The following TAF12 variants were observed in gnomAD, a reference collection of about 807,000 sequenced individuals.
TAF12 encodes transcription initiation factor TFIID subunit 12.
Under a neutral mutation model 20.8 loss-of-function variants are expected in TAF12, and 3 were observed. The ratio of observed to expected loss-of-function variants is 0.14; its 90% confidence interval spans 0.07 to 0.37. The LOEUF (loss-of-function observed/expected upper bound fraction) is 0.37, where lower values mean the gene tolerates loss of function less well. Ranked by LOEUF, TAF12 falls within the 10% of genes least tolerant of loss-of-function variation. The pLI, the probability that TAF12 is intolerant of heterozygous loss-of-function variation, is 1.00. For missense variants in TAF12, 131 were observed against 197.9 expected (o/e 0.66, Z 2.03); for synonymous variants, 69 against 70.2 (o/e 0.98, Z 0.09).
intron 1 of TAF12, among the ~76,000 whole-genome samples, chr1:28,629,398 A>G (rs1370392039): frequency 1.3e-5 from 2 of 152,208 alleles, no homozygotes; most frequent in Middle Eastern, 6.8e-3. Flanking sequence ...TACAGTGGCC[A>G]TGATTTTGGC....
At chr1:28,620,897 C>T (rs1374032375) in intron 2 of TAF12, among the ~76,000 whole-genome samples, 2 of 152,180 alleles carry the variant, frequency 1.3e-5, no homozygotes, top group Non-Finnish European at 2.9e-5. Context: ...TAATTCGAGC[C>T]TTCACTACAT....
chr1:28,634,629 A>T (rs1667755366), intron 1 of TAF12, among the ~76,000 whole-genome samples: 1 of 152,050 alleles, frequency 6.6e-6, no homozygotes, highest in South Asian at 2.1e-4. Context: ...TTAGAGTTCA[A>T]TTTAAATAAA....
intron 1 of TAF12, among the ~76,000 whole-genome samples, chr1:28,622,917 C>T (rs1435884136): frequency 1.3e-5 from 2 of 151,946 alleles, no homozygotes; most frequent in African/African-American, 4.8e-5. Flanking sequence ...CTCCCAGCTA[C>T]TGGGGAGACT....
At chr1:28,637,767 C>A (rs1202530936) in intron 1 of TAF12, among the ~76,000 whole-genome samples, 1 of 152,168 alleles carries the variant, frequency 6.6e-6, no homozygotes, top group African/African-American at 2.4e-5. Context: ...CTGCCTCCAA[C>A]ACACCTGTTT....
upstream of TAF12, among the ~76,000 whole-genome samples, chr1:28,645,579 T>C (rs932753899): frequency 1.3e-5 from 2 of 149,856 alleles, no homozygotes; most frequent in East Asian, 2.0e-4. Context: ...ACCCGGGAGG[T>C]GGAGGTTGCA....
Position 28,605,230 on chromosome 1 carries a change from C to T in TAF12, c.450+142G>A. ...CCCGGAGACCGCTGCTGCCTCTTGC[C>T]CTCTCTGACCCTTGCTCCAGAGAGT... On this transcript the variant is annotated intron_variant, in intron 5 of 5. Coordinates refer to ENST00000373824, the MANE Select transcript of TAF12 (RefSeq NM_005644.4). 4.0e-6 allele frequency: 3 copies of T among 752,246 alleles called. 1 individual carries two copies. The highest frequency in any genetic ancestry group is 3.3e-5 in the South Asian group (2 of 60,752). The allele number at this position is 752,246 out of a possible 1,614,324, so 46.6% of individuals were successfully genotyped here. A position where few individuals can be genotyped will look rare whatever the true frequency, so the allele number is the denominator to read the frequency against.
intron 2 of TAF12, among the ~76,000 whole-genome samples, chr1:28,619,821 G>T (rs919752183): frequency 6.6e-6 from 1 of 151,486 alleles, no homozygotes; most frequent in East Asian, 2.0e-4. Flanking sequence ...CATGGTGTGG[G>T]TGCCTATAAT....
intron 1 of TAF12, among the ~76,000 whole-genome samples, chr1:28,636,800 CA>C (rs1158154117): frequency 1.3e-5 from 2 of 150,570 alleles, no homozygotes; most frequent in African/African-American, 2.4e-5. Flanking sequence ...GACCCTGTCT[CA>C]GGGAAAAAAA....
intron 1 of TAF12, among the ~76,000 whole-genome samples, chr1:28,627,827 C>T (rs1481531198): frequency 3.9e-5 from 6 of 152,034 alleles, no homozygotes; most frequent in Admixed American, 3.9e-4. Context: ...TCTGACTAAG[C>T]AAACGATTTC....
intron 4 of TAF12, among the ~76,000 whole-genome samples, chr1:28,608,758 G>GTAAA (rs559995949): frequency 7.0e-4 from 106 of 151,480 alleles, no homozygotes; most frequent in African/African-American, 2.5e-3. Context: ...CTGTCTCAAA[G>GTAAA]TAAATAAATA....
intron 1 of TAF12, among the ~76,000 whole-genome samples, chr1:28,639,940 A>C (rs1340589041): frequency 6.6e-6 from 1 of 152,008 alleles, no homozygotes; most frequent in Non-Finnish European, 1.5e-5. Context: ...TCCAGGATTC[A>C]AGTGATTCTC....
chr1:28,637,424 T>C (rs1667873084), intron 1 of TAF12, among the ~76,000 whole-genome samples: 1 of 152,028 alleles, frequency 6.6e-6, no homozygotes, highest in Non-Finnish European at 1.5e-5. Context: ...CCTAGAACTT[T>C]GGGAGGCCGA....
chr1:28,614,417 C>T (rs1666962940), intron 3 of TAF12, among the ~76,000 whole-genome samples: 1 of 151,894 alleles, frequency 6.6e-6, no homozygotes, highest in African/African-American at 2.4e-5. Flanking sequence ...GGCACAGTGG[C>T]TCATGCCTAT....
At chr1:28,607,499 G>A (rs1666706535) in intron 4 of TAF12, among the ~76,000 whole-genome samples, 1 of 151,946 alleles carries the variant, frequency 6.6e-6, no homozygotes, top group Non-Finnish European at 1.5e-5. Context: ...GGTGAAACCT[G>A]GTGTCTACTA....
At chr1:28,642,913 A>AAC (rs1291033764) in intron 1 of TAF12, 79 bp downstream of exon 1, 5 of 986,028 alleles carry the variant, frequency 5.1e-6, no homozygotes, top group Non-Finnish European at 6.0e-6. Context: ...TGGTCCTTCG[A>AAC]ACACTGACCC....
At position 28,605,945 on chromosome 1, in the gene TAF12, C is replaced by G. The variant is rs1289005925; in HGVS notation, c.362-485G>C. 2.0e-5 allele frequency among the ~76,000 whole-genome samples: 3 copies of G among 152,186 alleles called. No homozygotes were observed. The East Asian group carries it at 5.8e-4, about 29-fold the overall frequency. On this transcript the variant is annotated intron_variant, in intron 4 of 5. Coordinates refer to ENST00000373824, the MANE Select transcript of TAF12 (RefSeq NM_005644.4). ...TTGCCAGGTTCAAGCAATTCTCCTG[C>G]CTCAGCCTCCTGAGTAGCTGGGATT...
chr1:28,609,179 C>T lies in TAF12; in HGVS notation c.362-3719G>A, dbSNP rs534110132. On this transcript the variant is annotated intron_variant, in intron 4 of 5. Coordinates refer to ENST00000373824, the MANE Select transcript of TAF12 (RefSeq NM_005644.4). ...GCAACCTCCGCCTCCTAGGTTCAAG[C>T]GATTCTCCTGCCTCAGCCTCCCGAG... Among the ~76,000 whole-genome samples, 486 of 151,468 alleles carry T rather than the reference C, an allele frequency of 3.2e-3. 7 individuals are homozygous for T. The highest frequency in any genetic ancestry group is 6.8e-3 in the Middle Eastern group (2 of 292).
chr1:28,647,527 G>A (rs553511669), upstream of TAF12, among the ~76,000 whole-genome samples: 6 of 152,092 alleles, frequency 3.9e-5, no homozygotes, highest in Non-Finnish European at 7.4e-5. Context: ...GGCTCTCAAA[G>A]TGTTGGGATT....
intron 3 of TAF12, among the ~76,000 whole-genome samples, chr1:28,613,804 G>A (rs1294490487): frequency 2.0e-5 from 3 of 152,116 alleles, no homozygotes; most frequent in African/African-American, 7.2e-5. Context: ...TTTGTTCATG[G>A]CCATGTAAGT....
Sources: allele counts gnomAD v4.1 joint callset (sites outside exome capture counted in the v4.1 genomes callset), GRCh38; gene constraint gnomAD v4.1.1; transcripts MANE v1.5; gene names NCBI Gene and HGNC (gene_info 2026-07-23, HGNC 2026-07-21).